GNPAT: variants seen among roughly 807,000 people sequenced by gnomAD.
GNPAT encodes the protein dihydroxyacetone phosphate acyltransferase.
A neutral mutation model predicts 78.4 loss-of-function variants in GNPAT; 30 were observed. The observed-to-expected ratio is 0.38, with a 90% CI of 0.29 to 0.52. The LOEUF (loss-of-function observed/expected upper bound fraction) is 0.52. Ranked by LOEUF, GNPAT falls within the 20% of genes least tolerant of loss-of-function variation. GNPAT has a pLI of 0.84. For synonymous variants in GNPAT, 271 were observed against 281.1 expected (o/e 0.96, Z 0.36); for missense variants, 714 against 812.2 (o/e 0.88, Z 1.47).
At chr1:231,265,539 C>A in intron 5 of GNPAT, 119 bp downstream of exon 5, 1 of 953,022 alleles carries the variant, frequency 1.0e-6, no homozygotes, top group Non-Finnish European at 1.7e-6. Flanking sequence ...TCAAGAACTG[C>A]TTATAACCTC....
chr1:231,249,230 T>A (rs1253954860), intron 1 of GNPAT, among the ~76,000 whole-genome samples: 1 of 152,230 alleles, frequency 6.6e-6, no homozygotes, highest in Non-Finnish European at 1.5e-5. Flanking sequence ...CAAGAGTATT[T>A]ATTACAAGGG....
chr1:231,242,465 C>T (rs138669645), intron 1 of GNPAT, among the ~76,000 whole-genome samples: 1 of 152,338 alleles, frequency 6.6e-6, no homozygotes, highest in African/African-American at 2.4e-5. Context: ...TTCTTTGGAA[C>T]ATGGAGAAAC....
In GNPAT at chr1:231,275,335, T is replaced by C; in HGVS notation, c.1843+15T>C. 6.3e-7 allele frequency: 1 copy of C among 1,588,796 alleles called. No homozygotes were observed. Among genetic ancestry groups the C allele is most frequent in the Non-Finnish European group, 8.6e-7 (1 of 1,156,786 alleles). ...TCTCGATCAAGGTCAGTCACTGCTC[T>C]GTGGGTGCTGATTTCTTTTAGTTGA... On this transcript the variant is annotated intron_variant, in intron 13 of 15. Transcript: ENST00000366647.
In GNPAT at chr1:231,265,774, G is replaced by C; in HGVS notation, c.759G>C (p.Leu253Phe). ...EGTRSRSAKT[L>F]TPKFGLLNIV... ...CAAGAAGCCGCTCTGCCAAGACATT[G>C]ACTCCTAAATTTGGTAGGTCACTAC... The change falls in exon 6 of 16, where the codon TTG (leucine) becomes TTC (phenylalanine). Residue 253 changes from leucine (L) to phenylalanine (F), a missense_variant. Coordinates refer to ENST00000366647, the MANE Select transcript of GNPAT (RefSeq NM_014236.4). 1 of 1,593,388 alleles carries C rather than the reference G, an allele frequency of 6.3e-7. No homozygotes were observed. Among genetic ancestry groups the C allele is most frequent in the Non-Finnish European group, 8.6e-7 (1 of 1,161,102 alleles).
chr1:231,253,787 T>C (rs1281157914), intron 2 of GNPAT, among the ~76,000 whole-genome samples: 1 of 152,226 alleles, frequency 6.6e-6, no homozygotes. Flanking sequence ...TCCTGTCTCT[T>C]TTTTCACTGC....
intron 2 of GNPAT, among the ~76,000 whole-genome samples, chr1:231,251,602 A>G (rs1467512983): frequency 2.0e-5 from 3 of 152,196 alleles, no homozygotes; most frequent in African/African-American, 7.2e-5. Flanking sequence ...GAGCTTTTCA[A>G]AATCCCCATA....
At chr1:231,271,331 C>A (rs1270068925) in intron 10 of GNPAT, among the ~76,000 whole-genome samples, 3 of 152,190 alleles carry the variant, frequency 2.0e-5, no homozygotes, top group Non-Finnish European at 4.4e-5. Flanking sequence ...GTGCCAGCTC[C>A]CTGATCCAGC....
intron 9 of GNPAT, among the ~76,000 whole-genome samples, chr1:231,268,614 A>G (rs1685459489): frequency 6.6e-6 from 1 of 150,632 alleles, no homozygotes; most frequent in Admixed American, 6.6e-5. Flanking sequence ...ATCTCCAAAA[A>G]AAAAAAAAAA....
intron 1 of GNPAT, 99 bp from the exon 2 acceptor site, chr1:231,250,862 G>A (rs1684876555): frequency 1.3e-5 from 10 of 788,668 alleles, no homozygotes; most frequent in Non-Finnish European, 2.3e-5. Context: ...ACGTCATAGA[G>A]TAATATTTTG....
At chr1:231,260,768 C>A in intron 3 of GNPAT, 85 bp downstream of exon 3, 1 of 945,234 alleles carries the variant, frequency 1.1e-6, no homozygotes, top group East Asian at 2.6e-5. Context: ...TTTTTCAACC[C>A]CTCACAATTT....
At chr1:231,269,597 T>A (rs965442407) in intron 9 of GNPAT, among the ~76,000 whole-genome samples, 6 of 152,132 alleles carry the variant, frequency 3.9e-5, no homozygotes, top group Admixed American at 3.9e-4. Context: ...AGACACCTGT[T>A]CTCAGTGCTG....
In GNPAT at chr1:231,277,571, G is replaced by A. The variant is rs939734439; in HGVS notation, c.*29G>A. On this transcript the variant is annotated 3_prime_UTR_variant, in exon 16 of 16. Transcript: ENST00000366647. ...TCAACAAATAGTTATGGAAAATTCG[G>A]TCACGTAATTACTCTCATCGAAGGA... The A allele has an allele frequency of 2.1e-6, 3 of 1,403,436 alleles. No homozygotes were observed. Among genetic ancestry groups the A allele is most frequent in the Non-Finnish European group, 3.0e-6 (3 of 987,420 alleles). 86.9% of individuals were successfully genotyped at this position (1,403,436 alleles called of 1,614,324 possible). A position where few individuals can be genotyped will look rare whatever the true frequency, so the allele number is the denominator to read the frequency against.
intron 2 of GNPAT, among the ~76,000 whole-genome samples, chr1:231,253,129 C>T (rs958231100): frequency 1.3e-5 from 2 of 152,122 alleles, no homozygotes; most frequent in Non-Finnish European, 2.9e-5. Flanking sequence ...CCGCCACGCC[C>T]GGCTAATTTT....
chr1:231,255,897 CG>C (rs1385952868), intron 2 of GNPAT, among the ~76,000 whole-genome samples: 4 of 152,168 alleles, frequency 2.6e-5, no homozygotes, highest in Non-Finnish European at 4.4e-5. Flanking sequence ...CTGTAATAGT[CG>C]TTGGCTCTTG....
intron 14 of GNPAT, among the ~76,000 whole-genome samples, chr1:231,275,773 A>G (rs572156357): frequency 1.3e-5 from 2 of 152,346 alleles, no homozygotes; most frequent in South Asian, 4.1e-4. Flanking sequence ...TACAAGAAAG[A>G]TTTTCGGGAG....
At chr1:231,268,139 A>G (rs987653817) in intron 9 of GNPAT, among the ~76,000 whole-genome samples, 12 of 151,982 alleles carry the variant, frequency 7.9e-5, no homozygotes, top group African/African-American at 2.9e-4. Flanking sequence ...CGTCTCTACT[A>G]AAAAATAGAA....
chr1:231,254,740 G>A (rs947960586), intron 2 of GNPAT, among the ~76,000 whole-genome samples: 5 of 150,702 alleles, frequency 3.3e-5, no homozygotes, highest in Admixed American at 6.6e-5. Context: ...GAGCCATTGC[G>A]TCCGGCCGAA....
chr1:231,262,979 C>G, intron 4 of GNPAT, 127 bp downstream of exon 4: 2 of 741,116 alleles, frequency 2.7e-6, no homozygotes, highest in Non-Finnish European at 4.7e-6. Flanking sequence ...AGTCCTAGCA[C>G]TGAATAACTT....
In GNPAT at chr1:231,262,804, C is replaced by A; in HGVS notation, c.520C>A (p.Leu174Ile). The A allele has an allele frequency of 6.2e-7, 1 of 1,609,392 alleles. No homozygotes were observed. The highest frequency in any genetic ancestry group is 8.5e-7 in the Non-Finnish European group (1 of 1,175,720). ...SYIDFLMLSF[L>I]LYNYDLPVPV... is the part of the protein sequence containing the mutation. ...CATTGACTTCCTCATGTTGTCTTTT[C>A]TTCTATACAATTATGATTTGCCTGT... Residue 174 changes from leucine to isoleucine, a missense_variant, in exon 4 of 16, where the codon CTT becomes ATT. Physicochemically the swap from Leu to Ile is conservative, Grantham distance 5. Transcript: ENST00000366647.
Sources: allele counts gnomAD v4.1 joint callset (sites outside exome capture counted in the v4.1 genomes callset), GRCh38; gene constraint gnomAD v4.1.1; transcripts MANE v1.5; gene names NCBI Gene and HGNC (gene_info 2026-07-23, HGNC 2026-07-21).